Variants in PRCC observed in about 807,000 individuals in gnomAD.
The protein encoded by PRCC is proline rich mitotic checkpoint control factor.
A neutral mutation model predicts 44.0 loss-of-function variants in PRCC; 10 were observed. The ratio of observed to expected loss-of-function variants is 0.23; its 90% CI spans 0.14 to 0.39. PRCC has a LOEUF of 0.39. Among genes scored for constraint, PRCC ranks in the 10% least tolerant of loss-of-function variants. PRCC has a pLI of 1.00. For missense variants in PRCC, 573 were observed against 624.7 expected (o/e 0.92, Z 0.88); for synonymous variants, 278 against 259.5 (o/e 1.07, Z -0.69).
At chr1:156,791,382 GTC>G in intron 3 of PRCC, 1 of 468,128 alleles carries the variant, frequency 2.1e-6, no homozygotes, top group South Asian at 2.0e-5. Flanking sequence ...AGAGGTGAGA[GTC>G]TCTCTTAGGA....
chr1:156,797,160 C>A (rs887648969), intron 5 of PRCC, 116 bp from the exon 6 acceptor site: 4 of 1,226,540 alleles, frequency 3.3e-6, no homozygotes, highest in Admixed American at 1.9e-5. Context: ...ACTTTTCTCC[C>A]CCAGGATTTG....
At chr1:156,792,406 A>G (rs1652521632) in intron 4 of PRCC, among the ~76,000 whole-genome samples, 1 of 151,940 alleles carries the variant, frequency 6.6e-6, no homozygotes, top group Non-Finnish European at 1.5e-5. Context: ...ACTGACTAGA[A>G]TCTGCTCATA....
At chr1:156,772,518 G>A (rs1651669994) in intron 1 of PRCC, among the ~76,000 whole-genome samples, 1 of 152,158 alleles carries the variant, frequency 6.6e-6, no homozygotes, top group Non-Finnish European at 1.5e-5. Context: ...CATAGGCTCA[G>A]GGGAGGCAGA....
rs139624371 is a variant in PRCC at position 156,798,194 on chromosome 1, A to G, written c.1389+853A>G. Among the ~76,000 whole-genome samples the G allele has an allele frequency of 4.0e-3, 605 of 152,294 alleles. 2 individuals carry two copies. Among genetic ancestry groups the G allele is most frequent in the Non-Finnish European group, 7.3e-3 (500 of 68,028 alleles). Reference sequence around the variant, plus strand: ...TTTTCGATTCCCCTAACAGCTAACTACTAATTGCCTACTGTTGACCAGAAT... The same window carrying G: ...TTTTCGATTCCCCTAACAGCTAACTGCTAATTGCCTACTGTTGACCAGAAT... On this transcript the variant is annotated intron_variant, in intron 6 of 6. Transcript: ENST00000271526.
At chr1:156,772,664 T>C (rs771991135) in intron 1 of PRCC, among the ~76,000 whole-genome samples, 9 of 152,246 alleles carry the variant, frequency 5.9e-5, no homozygotes, top group Non-Finnish European at 1.3e-4. Context: ...CACTTTCAGA[T>C]TGTTTACCAA....
intron 1 of PRCC, among the ~76,000 whole-genome samples, chr1:156,770,829 G>A (rs1207748866): frequency 6.6e-6 from 1 of 152,212 alleles, no homozygotes; most frequent in African/African-American, 2.4e-5. Context: ...TGCTGAAGTA[G>A]AAGTAATTAG....
chr1:156,778,159 A>G (rs1051928908), intron 1 of PRCC, among the ~76,000 whole-genome samples: 1 of 152,106 alleles, frequency 6.6e-6, no homozygotes, highest in African/African-American at 2.4e-5. Context: ...CCTCAGACGT[A>G]TTCTTCCTGT....
In PRCC at chr1:156,774,408, C is replaced by T. The variant is rs577459609; in HGVS notation, c.468+6169C>T. Among the ~76,000 whole-genome samples the T allele has an allele frequency of 3.8e-4, 58 of 151,516 alleles. No homozygotes were observed. The South Asian group carries it at 6.5e-3, about 17-fold the overall frequency. On this transcript the variant is annotated intron_variant, in intron 1 of 6. Transcript: ENST00000271526. ...CAGGCTGGTCTCGAACCCCTGACCT[C>T]GTGATCCGCCCGTCTCGGGCTCCCA... is the stretch of plus-strand genomic sequence containing the variant.
intron 6 of PRCC, among the ~76,000 whole-genome samples, chr1:156,798,652 C>T (rs1430246557): frequency 2.6e-5 from 4 of 151,866 alleles, no homozygotes; most frequent in East Asian, 3.9e-4. Context: ...GTCAGGAATT[C>T]GAGACCAGCC....
At chr1:156,785,047 A>G (rs550668329) in intron 2 of PRCC, among the ~76,000 whole-genome samples, 23 of 152,198 alleles carry the variant, frequency 1.5e-4, no homozygotes, top group African/African-American at 5.5e-4. Context: ...TGACAAAACT[A>G]CCTCTGTATG....
chr1:156,768,028 G>A lies in PRCC; in HGVS notation c.257G>A (p.Gly86Asp). ...RLQPPPPLPFGLGGFPPPPGV... is the reference protein window; with the variant it reads ...RLQPPPPLPFDLGGFPPPPGV... ...CAGCCTCCTCCCCCCTTGCCCTTCG[G>A]CCTGGGAGGCTTCCCCCCACCTCCA... Residue 86 changes from glycine (G) to aspartate (D), a missense_variant, in exon 1 of 7, where the codon GGC (glycine) becomes GAC (aspartate). Coordinates refer to ENST00000271526, the MANE Select transcript of PRCC (RefSeq NM_005973.5). 1 of 1,571,600 alleles carries A rather than the reference G, an allele frequency of 6.4e-7. No homozygotes were observed. Among genetic ancestry groups the A allele is most frequent in the South Asian group, 1.2e-5 (1 of 86,140 alleles).
At chr1:156,773,219 T>C (rs1477558329) in intron 1 of PRCC, among the ~76,000 whole-genome samples, 1 of 152,160 alleles carries the variant, frequency 6.6e-6, no homozygotes, top group East Asian at 1.9e-4. Flanking sequence ...CTTTTAGTCC[T>C]GGAAGCTAGT....
At chr1:156,779,128 A>ATATATATATATATTTTTTTTT (rs1651947127) in intron 1 of PRCC, among the ~76,000 whole-genome samples, 1 of 35,876 alleles carries the variant, frequency 2.8e-5, no homozygotes, top group African/African-American at 1.2e-4. Flanking sequence ...ATATATATAT[A>ATATATATATATATTTTTTTTT]TTTTTTTTTT....
chr1:156,782,945 G>C (rs1425575283), intron 2 of PRCC, among the ~76,000 whole-genome samples: 1 of 151,772 alleles, frequency 6.6e-6, no homozygotes, highest in Non-Finnish European at 1.5e-5. Flanking sequence ...CGCTCTTGTT[G>C]CCCAGGCTGG....
At chr1:156,774,178 T>C (rs1440515288) in intron 1 of PRCC, among the ~76,000 whole-genome samples, 13 of 122,014 alleles carry the variant, frequency 1.1e-4, no homozygotes, top group Admixed American at 3.4e-4. Flanking sequence ...TTTTTTTTTT[T>C]TTTTTTTTTT....
At position 156,784,236 on chromosome 1, in the gene PRCC, C is replaced by T. The variant is rs560988771; in HGVS notation, c.516+1907C>T. Among the ~76,000 whole-genome samples the T allele has an allele frequency of 3.9e-5, 6 of 152,226 alleles. No individual in the cohort carries two copies. The East Asian group carries it at 5.8e-4, about 15-fold the overall frequency. The stretch of plus-strand genomic sequence containing the variant: ...TACTGAAATTATAGGCGTGAGCCAC[C>T]GCGCCCGGCCCTGGTGTTTGTATTT... On this transcript the variant is annotated intron_variant, in intron 2 of 6. Transcript: ENST00000271526.
intron 3 of PRCC, among the ~76,000 whole-genome samples, chr1:156,789,272 C>CT (rs1652394198): frequency 6.6e-6 from 1 of 152,152 alleles, no homozygotes; most frequent in African/African-American, 2.4e-5. Flanking sequence ...ACCCCGCCAA[C>CT]TTTTGGTTTT....
Position 156,800,803 on chromosome 1 carries a change from T to G in PRCC, c.*343T>G. 1 of 271,420 alleles carries G rather than the reference T, an allele frequency of 3.7e-6. No homozygotes were observed. The highest frequency in any genetic ancestry group is 7.1e-6 in the Non-Finnish European group (1 of 140,298). The allele number at this position is 271,420 out of a possible 1,614,324, so 16.8% of individuals were successfully genotyped here. ...AGGGATGTCTGTTGAAATAAAACAT[T>G]CAGTCTGACAAACATTGCCTGCCCT... is the stretch of plus-strand genomic sequence containing the variant. On this transcript the variant is annotated 3_prime_UTR_variant, in exon 7 of 7. Coordinates refer to ENST00000271526, the MANE Select transcript of PRCC (RefSeq NM_005973.5).
intron 1 of PRCC, among the ~76,000 whole-genome samples, chr1:156,776,118 G>A (rs1651819432): frequency 6.6e-6 from 1 of 152,250 alleles, no homozygotes; most frequent in Non-Finnish European, 1.5e-5. Context: ...CACTTTGGGA[G>A]GCCAAGGCAG....
Sources: allele counts gnomAD v4.1 joint callset (sites outside exome capture counted in the v4.1 genomes callset), GRCh38; gene constraint gnomAD v4.1.1; transcripts MANE v1.5; gene names NCBI Gene and HGNC (gene_info 2026-07-23, HGNC 2026-07-21).